ZNF540: variants seen among roughly 807,000 people sequenced by gnomAD.
The protein encoded by ZNF540 is zinc finger protein 540, also known as CTD-3064H18.6.
Under a neutral mutation model 11.8 loss-of-function variants are expected in ZNF540, and 3 were observed. That is an observed-to-expected ratio of 0.25 (90% CI 0.12 to 0.65). ZNF540 has a LOEUF of 0.65. Among genes scored for constraint, ZNF540 ranks in the 30% least tolerant of loss-of-function variants. The pLI, the probability that ZNF540 is intolerant of heterozygous loss-of-function variation, is 0.83. For synonymous variants in ZNF540, 247 were observed against 259.0 expected (o/e 0.95, Z 0.45); for missense variants, 709 against 793.1 (o/e 0.89, Z 1.27).
intron 1 of ZNF540, chr19:37,554,922 A>AC (rs1433106954): frequency 2.0e-5 from 3 of 152,202 alleles, no homozygotes; most frequent in African/African-American, 7.2e-5. Context: ...AAACAATTTT[A>AC]CAGAAATAAA....
At chr19:37,584,856 CG>C (rs2043609526) in intron 1 of ZNF540, among the ~76,000 whole-genome samples, 1 of 150,506 alleles carries the variant, frequency 6.6e-6, no homozygotes, top group Admixed American at 6.7e-5. Context: ...CCCAGCTACT[CG>C]GGAGGCTGAG....
At position 37,612,892 on chromosome 19, in the gene ZNF540, C is replaced by A; in HGVS notation, c.1612C>A (p.Leu538Ile). The stretch of plus-strand genomic sequence containing the variant: ...AAAGGCCTTTATTCGTAGAGGGAAT[C>A]TTAAAGAACATCTGAAAATTCATTC... The part of the protein sequence containing the change: ...CGKAFIRRGN[L>I]KEHLKIHSGL... The change falls in exon 5 of 5, where the codon CTT becomes ATT. Residue 538 changes from leucine to isoleucine, a missense_variant. Physicochemically the swap from Leu to Ile is conservative, Grantham distance 5 (BLOSUM62 2). Transcript: ENST00000316433. The A allele has an allele frequency of 6.2e-7, 1 of 1,614,068 alleles. No homozygotes were observed. Among genetic ancestry groups the A allele is most frequent in the East Asian group, 2.2e-5 (1 of 44,870 alleles).
intron 4 of ZNF540, among the ~76,000 whole-genome samples, chr19:37,605,764 C>A (rs1297497192): frequency 1.3e-5 from 2 of 152,168 alleles, no homozygotes; most frequent in Non-Finnish European, 2.9e-5. Flanking sequence ...TAATCTTAGT[C>A]ATTTTAGTGG....
intron 1 of ZNF540, chr19:37,564,703 C>T: frequency 1.2e-6 from 2 of 1,613,522 alleles, no homozygotes; most frequent in Non-Finnish European, 1.7e-6. Context: ...TCCTTTGATG[C>T]AGAGTAAGTT....
intron 1 of ZNF540, chr19:37,564,481 G>T: frequency 2.3e-6 from 2 of 880,680 alleles, no homozygotes; most frequent in Non-Finnish European, 1.6e-6. Context: ...CTGCATCCAT[G>T]TTAATGTAGG....
chr19:37,603,004 CTTTTTTTT>C (rs569985494), intron 4 of ZNF540, among the ~76,000 whole-genome samples: 2 of 113,240 alleles, frequency 1.8e-5, no homozygotes, highest in African/African-American at 3.4e-5. Flanking sequence ...TGTAAGGAGT[CTTTTTTTT>C]TTTTTTTTTT....
chr19:37,602,558 A>G (rs1387570301), intron 4 of ZNF540, among the ~76,000 whole-genome samples: 3 of 152,170 alleles, frequency 2.0e-5, no homozygotes, highest in African/African-American at 4.8e-5. Flanking sequence ...TCCTTTACAG[A>G]AAGTTTGCTG....
chr19:37,564,386 T>A, intron 1 of ZNF540: 1 of 393,278 alleles, frequency 2.5e-6, no homozygotes, highest in Non-Finnish European at 4.5e-6. Flanking sequence ...ATGGAGATGA[T>A]GCTTAATAAA....
chr19:37,611,597 A>G lies in ZNF540; in HGVS notation c.317A>G (p.Glu106Gly), dbSNP rs1435019299. The part of the protein sequence containing the change: ...EISLSKESII[E>G]KSKTLRLKGS... Reference sequence around the variant, plus strand: ...AGTTTATCCAAAGAGAGTATAATAGAAAAAAGTAAAACTCTTCGTCTGAAA... The same window carrying G: ...AGTTTATCCAAAGAGAGTATAATAGGAAAAAGTAAAACTCTTCGTCTGAAA... The change falls in exon 5 of 5, where the codon GAA becomes GGA. Residue 106 changes from glutamate (E) to glycine (G), a missense_variant. By Grantham distance (98) the Glu-to-Gly change is moderately conservative. Transcript: ENST00000316433. The G allele has an allele frequency of 6.2e-7, 1 of 1,613,880 alleles. No homozygotes were observed.
intron 1 of ZNF540, among the ~76,000 whole-genome samples, chr19:37,596,437 A>G (rs1480177225): frequency 6.6e-6 from 1 of 152,124 alleles, no homozygotes; most frequent in Non-Finnish European, 1.5e-5. Context: ...AGCCTGAAAT[A>G]TTTATTATGT....
At position 37,566,201 on chromosome 19, in the gene ZNF540, C is replaced by A. The variant is rs749343091; in HGVS notation, c.-73+14536C>A. ...ATTGTATTGAAGGTGATGGTTGATA[C>A]GTTTCCCCATATTCTCCCACTGGAG... On this transcript the variant is annotated intron_variant, in intron 1 of 4. Coordinates refer to the ZNF540 transcript ENST00000592533. The A allele has an allele frequency of 5.0e-6, 8 of 1,613,804 alleles. No homozygotes were observed. The African/African-American group carries it at 1.1e-4, about 22-fold the overall frequency.
At chr19:37,590,262 A>T (rs2043828426), upstream of ZNF540, among the ~76,000 whole-genome samples, 1 of 151,406 alleles carries the variant, frequency 6.6e-6, no homozygotes, top group African/African-American at 2.4e-5. Flanking sequence ...TAAAAATAAA[A>T]AAAAATTAGC....
At chr19:37,580,854 G>A (rs1244571319) in intron 1 of ZNF540, among the ~76,000 whole-genome samples, 1 of 152,140 alleles carries the variant, frequency 6.6e-6, no homozygotes, top group Non-Finnish European at 1.5e-5. Context: ...AGAACCACGA[G>A]CCAAATAAAC....
rs1345435660 is a variant in ZNF540 at position 37,569,593 on chromosome 19, C to G, written c.-73+17928C>G. 3.3e-5 allele frequency among the ~76,000 whole-genome samples: 5 copies of G among 152,146 alleles called. No homozygotes were observed. Among genetic ancestry groups the G allele is most frequent in the Non-Finnish European group, 7.3e-5 (5 of 68,032 alleles). On this transcript the variant is annotated intron_variant, in intron 1 of 4. Coordinates refer to the ZNF540 transcript ENST00000592533. The surrounding 1 kb of genome is among the most constrained non-coding windows in gnomAD (Gnocchi z 4.4). ...TTATCTCCTGTTTTATTAAAAACAA[C>G]AAGTGCTGCTTATAACCTACTAGGT...
chr19:37,608,777 G>C, intron 4 of ZNF540, among the ~76,000 whole-genome samples: 1 of 152,102 alleles, frequency 6.6e-6, no homozygotes, highest in East Asian at 1.9e-4. Flanking sequence ...GGATAGCTTA[G>C]AGGGCTGAGT....
intron 1 of ZNF540, among the ~76,000 whole-genome samples, chr19:37,579,000 A>G (rs2043349147): frequency 6.6e-6 from 1 of 151,474 alleles, no homozygotes; most frequent in African/African-American, 2.4e-5. Context: ...CCATTGCAGG[A>G]GTCCTGCTCC....
At chr19:37,575,573 G>T (rs916899092) in intron 1 of ZNF540, 1 of 152,098 alleles carries the variant, frequency 6.6e-6, no homozygotes, top group Non-Finnish European at 1.5e-5. Flanking sequence ...CCCACTTCTC[G>T]TTCTGGGCCC....
upstream of ZNF540, among the ~76,000 whole-genome samples, chr19:37,591,587 C>A (rs1019297648): frequency 3.3e-5 from 5 of 152,176 alleles, no homozygotes; most frequent in African/African-American, 1.2e-4. Flanking sequence ...TCTTGTTGCC[C>A]AGGCTGTAGT....
intron 1 of ZNF540, among the ~76,000 whole-genome samples, chr19:37,561,252 C>T (rs968024106): frequency 6.6e-6 from 1 of 151,758 alleles, no homozygotes. Context: ...AGACAAAACC[C>T]TTATAAAATT....
Sources: allele counts gnomAD v4.1 joint callset (sites outside exome capture counted in the v4.1 genomes callset), GRCh38; gene constraint gnomAD v4.1.1; non-coding constraint Gnocchi (gnomAD v3.1); transcripts MANE v1.5; gene names NCBI Gene and HGNC (gene_info 2026-07-23, HGNC 2026-07-21).